Variants in WDFY4 observed in about 807,000 individuals in gnomAD.
WDFY4 encodes the protein WD repeat- and FYVE domain-containing protein 4.
WDFY4 carries 169 observed loss-of-function variants against 351.9 expected under a neutral mutation model. The observed-to-expected ratio is 0.48, with a 90% CI of 0.42 to 0.55. The LOEUF (loss-of-function observed/expected upper bound fraction) is 0.55. Among genes scored for constraint, WDFY4 ranks in the 20% least tolerant of loss-of-function variants. The pLI, the probability that WDFY4 is intolerant of heterozygous loss-of-function variation, is 0.00. For missense variants in WDFY4, 3,803 were observed against 3,935.6 expected (o/e 0.97, Z 0.90); for synonymous variants, 1,622 against 1,574.6 (o/e 1.03, Z -0.71).
chr10:48,716,209 C>T (rs1420825273), intron 2 of WDFY4, among the ~76,000 whole-genome samples: 1 of 152,100 alleles, frequency 6.6e-6, no homozygotes, highest in African/African-American at 2.4e-5. Context: ...GACAAACCTG[C>T]CAAACTCTGC....
At chr10:48,721,120 G>A (rs192108838) in intron 3 of WDFY4, 141 bp from the exon 4 acceptor site, 1 of 716,410 alleles carries the variant, frequency 1.4e-6, no homozygotes, top group East Asian at 2.7e-5. Context: ...AGAGATGCAG[G>A]TGGCCTTGGG....
At chr10:48,787,830 C>CT (rs1178901098) in intron 20 of WDFY4, among the ~76,000 whole-genome samples, 2 of 138,506 alleles carry the variant, frequency 1.4e-5, no homozygotes, top group African/African-American at 6.5e-5. Context: ...TCTTCTTCTT[C>CT]TTCTTCTTCT....
chr10:48,747,565 CA>C (rs2065052376), intron 12 of WDFY4, among the ~76,000 whole-genome samples: 1 of 152,128 alleles, frequency 6.6e-6, no homozygotes, highest in Non-Finnish European at 1.5e-5. Context: ...CTGTTCCACA[CA>C]GTTTCTTTTG....
At chr10:48,931,780 T>C (rs1289629279) in intron 47 of WDFY4, among the ~76,000 whole-genome samples, 2 of 152,254 alleles carry the variant, frequency 1.3e-5, no homozygotes, top group African/African-American at 4.8e-5. Context: ...ATGAGGTTTA[T>C]CTGAAATCAT....
At chr10:48,807,992 G>A (rs2067316146) in intron 28 of WDFY4, 34 bp downstream of exon 28, 2 of 1,494,250 alleles carry the variant, frequency 1.3e-6, no homozygotes, top group Admixed American at 2.4e-5. Flanking sequence ...TTTGGCAGGA[G>A]GTTACCTCAT....
At chr10:48,873,435 G>A (rs1009099941) in intron 40 of WDFY4, 56 bp from the exon 41 acceptor site, 1 of 1,473,842 alleles carries the variant, frequency 6.8e-7, no homozygotes, top group Non-Finnish European at 9.0e-7. Context: ...TTGGGGCCAG[G>A]CCCATAAGGC....
intron 12 of WDFY4, among the ~76,000 whole-genome samples, chr10:48,750,470 G>T (rs1016093217): frequency 6.6e-6 from 1 of 152,202 alleles, no homozygotes; most frequent in African/African-American, 2.4e-5. Context: ...TCTTCACTCT[G>T]CCTGGACAGT....
At chr10:48,856,326 A>T (rs578260141) in intron 39 of WDFY4, among the ~76,000 whole-genome samples, 14 of 152,176 alleles carry the variant, frequency 9.2e-5, no homozygotes, top group Non-Finnish European at 1.9e-4. Context: ...TTCAGATTCC[A>T]CATCTCAACT....
intron 13 of WDFY4, among the ~76,000 whole-genome samples, chr10:48,765,629 A>C (rs1218952349): frequency 6.6e-6 from 1 of 152,218 alleles, no homozygotes; most frequent in African/African-American, 2.4e-5. Context: ...ATTGAAACTC[A>C]CAGGAATTAA....
intron 51 of WDFY4, among the ~76,000 whole-genome samples, chr10:48,953,333 T>TCTCTCTCTCTCTCTCTCTCACA (rs771339557): frequency 7.8e-6 from 1 of 128,128 alleles, no homozygotes; most frequent in African/African-American, 3.0e-5. Context: ...TCTCTCTCTC[T>TCTCTCTCTCTCTCTCTCTCACA]CACACACACA....
intron 2 of WDFY4, among the ~76,000 whole-genome samples, chr10:48,716,170 G>A (rs577560605): frequency 6.6e-6 from 1 of 152,168 alleles, no homozygotes; most frequent in Non-Finnish European, 1.5e-5. Context: ...TTCATGCAAA[G>A]TCTCAGAAAT....
At position 48,779,859 on chromosome 10, in the gene WDFY4, G is replaced by A. The variant is rs997835984; in HGVS notation, c.3398-82G>A. 24 of 1,487,988 alleles carry A rather than the reference G, an allele frequency of 1.6e-5. No homozygotes were observed. The Admixed American group carries it at 1.8e-4, about 11-fold the overall frequency. 92.2% of individuals were successfully genotyped at this position (1,487,988 alleles called of 1,614,324 possible). A position where few individuals can be genotyped will look rare whatever the true frequency, so the allele number is the denominator to read the frequency against. Reference sequence around the variant, plus strand: ...CATGGTACAAGGCCCAGTGGTTGACGTCCGCCTATGCCCTCCCCATTCTCC... The same window carrying A: ...CATGGTACAAGGCCCAGTGGTTGACATCCGCCTATGCCCTCCCCATTCTCC... On this transcript the variant is annotated intron_variant, in intron 18 of 61. Transcript: ENST00000325239.
intron 39 of WDFY4, among the ~76,000 whole-genome samples, chr10:48,859,051 A>G (rs1163836234): frequency 6.6e-6 from 1 of 152,128 alleles, no homozygotes; most frequent in African/African-American, 2.4e-5. Context: ...TTGATCTTAT[A>G]TCCTGTGACC....
At chr10:48,941,916 A>G (rs1840787240) in intron 48 of WDFY4, 68 bp downstream of exon 48, 2 of 1,451,710 alleles carry the variant, frequency 1.4e-6, no homozygotes, top group African/African-American at 2.8e-5. Flanking sequence ...GGCCCCAGCG[A>G]TGGAGAGGAA....
chr10:48,692,346 G>A (rs927432647), intron 1 of WDFY4, among the ~76,000 whole-genome samples: 1 of 152,180 alleles, frequency 6.6e-6, no homozygotes, highest in African/African-American at 2.4e-5. Context: ...GGGCGGGACA[G>A]TGCCCCTAGG....
At chr10:48,979,308 G>A (rs1842707532) in intron 60 of WDFY4, among the ~76,000 whole-genome samples, 1 of 152,308 alleles carries the variant, frequency 6.6e-6, no homozygotes, top group Non-Finnish European at 1.5e-5. Flanking sequence ...AAGGAACCCA[G>A]CACATCTTTG....
chr10:48,743,277 C>T lies in WDFY4; in HGVS notation c.2188C>T (p.Leu730=). Residue 730 remains leucine, a synonymous_variant, in exon 12 of 62, where the codon CTG becomes TTG. Coordinates refer to ENST00000325239, the MANE Select transcript of WDFY4 (RefSeq NM_001394531.1). ...TGGAGCCCTGGAGGAAGAGGGCAAC[C>T]TGCTGCGCTCTTGGGTGGACACAAA... ...CFGALEEEGN[L]LRSWVDTKAR... is the part of the protein sequence containing the mutation. 6.4e-7 allele frequency: 1 copy of T among 1,551,692 alleles called. No individual in the cohort carries two copies. Among genetic ancestry groups the T allele is most frequent in the South Asian group, 1.2e-5 (1 of 84,060 alleles).
intron 17 of WDFY4, 76 bp from the exon 18 acceptor site, chr10:48,778,535 G>A: frequency 1.4e-6 from 2 of 1,438,472 alleles, no homozygotes; most frequent in Non-Finnish European, 9.4e-7. Context: ...GGCTAAATCA[G>A]CACCATAGTG....
intron 39 of WDFY4, among the ~76,000 whole-genome samples, chr10:48,860,595 T>C (rs2069302102): frequency 6.6e-6 from 1 of 152,250 alleles, no homozygotes; most frequent in Non-Finnish European, 1.5e-5. Flanking sequence ...TTTTAACATA[T>C]GAATTTGGGG....
Sources: allele counts gnomAD v4.1 joint callset (sites outside exome capture counted in the v4.1 genomes callset), GRCh38; gene constraint gnomAD v4.1.1; transcripts MANE v1.5; gene names NCBI Gene and HGNC (gene_info 2026-07-23, HGNC 2026-07-21).